Variants in SLC30A5 observed in about 807,000 individuals in gnomAD.
The protein encoded by SLC30A5 is solute carrier family 30 member 5.
Under a neutral mutation model 79.6 loss-of-function variants are expected in SLC30A5, and 33 were observed. The ratio of observed to expected loss-of-function variants is 0.41; its 90% confidence interval spans 0.31 to 0.55. The LOEUF (loss-of-function observed/expected upper bound fraction) is 0.55. Ranked by LOEUF, SLC30A5 falls within the 20% of genes least tolerant of loss-of-function variation. SLC30A5 has a pLI of 0.20. For synonymous variants in SLC30A5, 299 were observed against 319.7 expected (o/e 0.94, Z 0.69); for missense variants, 788 against 928.1 (o/e 0.85, Z 1.96).
Position 69,114,552 on chromosome 5 carries a change from A to G in SLC30A5, c.612+56A>G, listed in dbSNP as rs140665421. 5.4e-4 allele frequency: 568 copies of G among 1,060,570 alleles called. 6 individuals are homozygous for G. The African/African-American group carries it at 7.1e-3, about 13-fold the overall frequency. The allele number at this position is 1,060,570 out of a possible 1,614,324, so 65.7% of individuals were successfully genotyped here. A position where few individuals can be genotyped will look rare whatever the true frequency, so the allele number is the denominator to read the frequency against. On this transcript the variant is annotated intron_variant, in intron 7 of 15. Transcript: ENST00000396591. The stretch of plus-strand genomic sequence containing the variant: ...AAGATTCTGAAAAGTTGTAGCAACT[A>G]TAACTATAAAGGTACATTTAAAATA...
In SLC30A5 at chr5:69,098,267, C is replaced by T. The variant is rs1249553446; in HGVS notation, c.84-2540C>T. ...AGGCGCGGTGGCTCATGCCTGTAAT[C>T]CTAGCACTTTGTTTGGGAGGCCAAG... On this transcript the variant is annotated intron_variant, in intron 1 of 15. Transcript: ENST00000396591. 2.0e-5 allele frequency among the ~76,000 whole-genome samples: 3 copies of T among 152,020 alleles called. No homozygotes were observed. In the East Asian group the frequency reaches 5.8e-4, roughly 29 times the overall value.
Position 69,115,135 on chromosome 5 carries a change from GAAAAAAAAAAAAA to G in SLC30A5, c.613-84_613-72del, listed in dbSNP as rs60614154. The G allele has an allele frequency of 2.5e-3, 1,365 of 538,022 alleles. 15 individuals are homozygous for G. The highest frequency in any genetic ancestry group is 4.6e-3 in the Admixed American group (133 of 29,020). 33.3% of individuals were successfully genotyped at this position (538,022 alleles called of 1,614,324 possible). A position where few individuals can be genotyped will look rare whatever the true frequency, so the allele number is the denominator to read the frequency against. On this transcript the variant is annotated intron_variant, in intron 7 of 15. Coordinates refer to ENST00000396591, the MANE Select transcript of SLC30A5 (RefSeq NM_022902.5). ...GGCAGAGCAAGACCCTGTCTCTGGG[GAAAAAAAAAAAAA>G]AAAAAAAAAAAAAAAAAGATCATGT...
At chr5:69,100,684 T>C (rs1580165599) in intron 1 of SLC30A5, 123 bp from the exon 2 acceptor site, 3 of 759,466 alleles carry the variant, frequency 4.0e-6, no homozygotes, top group East Asian at 5.2e-5. Context: ...CTCTGTTTTG[T>C]TTCATTTTGT....
intron 3 of SLC30A5, among the ~76,000 whole-genome samples, chr5:69,103,550 G>T (rs1225223139): frequency 6.6e-6 from 1 of 152,166 alleles, no homozygotes; most frequent in Non-Finnish European, 1.5e-5. Flanking sequence ...CTTTGGGCAA[G>T]TTACTTGATT....
At chr5:69,104,748 T>A (rs1481782740) in intron 4 of SLC30A5, 32 bp downstream of exon 4, 2 of 1,587,274 alleles carry the variant, frequency 1.3e-6, no homozygotes, top group Non-Finnish European at 8.6e-7. Flanking sequence ...GAATGTGTGT[T>A]TGTATTTCTT....
At chr5:69,123,071 T>C (rs1013997281) in intron 13 of SLC30A5, 128 bp from the exon 14 acceptor site, 3 of 585,598 alleles carry the variant, frequency 5.1e-6, no homozygotes, top group African/African-American at 3.8e-5. Context: ...GTTTTAGGCA[T>C]TTTGAAGTAC....
chr5:69,111,531 C>A (rs892973446), intron 5 of SLC30A5, among the ~76,000 whole-genome samples: 1 of 151,702 alleles, frequency 6.6e-6, no homozygotes, highest in South Asian at 2.1e-4. Context: ...GTCTTGAACT[C>A]CTGACCTCAT....
At position 69,129,498 on chromosome 5, in the gene SLC30A5, G is replaced by A. The variant is rs1318897436; in HGVS notation, c.2179G>A (p.Glu727Lys). 10 of 1,613,440 alleles carry A rather than the reference G, an allele frequency of 6.2e-6. 1 individual carries two copies. In the Middle Eastern group the frequency reaches 1.2e-3, roughly 193 times the overall value. ...AGVNNLTIQV[E>K]KEAYFQHMSG... ...AGTAAACAATTTAACAATTCAAGTG[G>A]AAAAGGAGGCATACTTTCAACATAT... Residue 727 changes from glutamate to lysine, a missense_variant, in exon 16 of 16, where the codon GAA (glutamate) becomes AAA (lysine). Glu to Lys is a moderately conservative substitution (Grantham distance 56, BLOSUM62 1). Around this residue, in one of 3 missense-constraint regions of SLC30A5, gnomAD observed 158 missense variants for 156.2 expected, o/e 1.01. Transcript: ENST00000396591.
intron 2 of SLC30A5, among the ~76,000 whole-genome samples, chr5:69,101,727 C>A (rs891226387): frequency 2.0e-5 from 3 of 151,386 alleles, no homozygotes; most frequent in Admixed American, 1.3e-4. Context: ...GAGGCGGAGG[C>A]AGGTGGATCG....
At chr5:69,095,430 G>A (rs899895014) in intron 1 of SLC30A5, among the ~76,000 whole-genome samples, 5 of 152,016 alleles carry the variant, frequency 3.3e-5, no homozygotes, top group African/African-American at 9.7e-5. Context: ...TTGAGCTCCC[G>A]ACCTCGTGAT....
Position 69,115,267 on chromosome 5 carries a change from T to C in SLC30A5, c.643T>C (p.Cys215Arg). Residue 215 changes from cysteine to arginine, a missense_variant, in exon 8 of 16, where the codon TGT becomes CGT. Physicochemically the swap from Cys to Arg is radical, Grantham distance 180. Around this residue, in one of 3 missense-constraint regions of SLC30A5, gnomAD observed 626 missense variants for 755.5 expected, o/e 0.83. Coordinates refer to ENST00000396591, the MANE Select transcript of SLC30A5 (RefSeq NM_022902.5). ...AGTATTATTGCTAGTACTGGCTTTG[T>C]GTTGTAAAGTTGGTTTTCATACAGC... Reference protein sequence around the residue: ...GGVLLLVLALCCKVGFHTASR... With the variant: ...GGVLLLVLALRCKVGFHTASR... 4 of 1,613,854 alleles carry C rather than the reference T, an allele frequency of 2.5e-6. No individual in the cohort carries two copies. In the Admixed American group the frequency reaches 5.0e-5, roughly 20 times the overall value.
chr5:69,125,383 G>A (rs746632567), intron 14 of SLC30A5, among the ~76,000 whole-genome samples: 13 of 148,288 alleles, frequency 8.8e-5, no homozygotes, highest in Non-Finnish European at 1.8e-4. Flanking sequence ...AAAATTAGCC[G>A]GGCATGGTGG....
chr5:69,115,221 C>A lies in SLC30A5; in HGVS notation c.613-16C>A. ...TGTGTGTGTTTCTAATGAGACTTAT[C>A]TAATTTTACTCACAGGGTGGAGTAT... On this transcript the variant is annotated splice_polypyrimidine_tract_variant and intron_variant, in intron 7 of 15. Transcript: ENST00000396591. 1 of 1,493,018 alleles carries A rather than the reference C, an allele frequency of 6.7e-7. No homozygotes were observed. Among genetic ancestry groups the A allele is most frequent in the Non-Finnish European group, 9.1e-7 (1 of 1,100,520 alleles). 92.5% of individuals were successfully genotyped at this position (1,493,018 alleles called of 1,614,324 possible). A position where few individuals can be genotyped will look rare whatever the true frequency, so the allele number is the denominator to read the frequency against.
rs768133215 is a variant in SLC30A5 at position 69,116,484 on chromosome 5, T to C, written c.1163T>C (p.Met388Thr). ...SPEGTPLYNF[M>T]GDAFQHSSQS... ...GAAGGAACACCTCTTTATAACTTCA[T>C]GGGTGATGCTTTTCAGCATAGCTCT... is the stretch of plus-strand genomic sequence containing the variant. The change falls in exon 10 of 16, where the codon ATG becomes ACG. Residue 388 changes from methionine to threonine, a missense_variant. Coordinates refer to ENST00000396591, the MANE Select transcript of SLC30A5 (RefSeq NM_022902.5). The surrounding 1 kb of genome is among the most constrained non-coding windows in gnomAD (Gnocchi z 4.0). 4 of 1,612,448 alleles carry C rather than the reference T, an allele frequency of 2.5e-6. No individual in the cohort carries two copies. The highest frequency in any genetic ancestry group is 1.1e-5 in the South Asian group (1 of 90,730).
intron 1 of SLC30A5, among the ~76,000 whole-genome samples, chr5:69,098,398 C>T (rs977537359): frequency 1.3e-5 from 2 of 152,030 alleles, no homozygotes; most frequent in Admixed American, 1.3e-4. Context: ...TGGTGGCAGG[C>T]ACCTGTAATC....
intron 13 of SLC30A5, 94 bp from the exon 14 acceptor site, chr5:69,123,105 G>T (rs1024089971): frequency 1.3e-6 from 1 of 794,400 alleles, no homozygotes; most frequent in Non-Finnish European, 2.0e-6. Flanking sequence ...AGTATGTGGT[G>T]CACAGTAGGT....
chr5:69,108,334 G>T lies in SLC30A5; in HGVS notation c.360-15G>T. ...TAAATTACATTTCATAAATGATAAT[G>T]TTTTATTTTTGTAGGACTTTGCTGC... is the stretch of plus-strand genomic sequence containing the variant. On this transcript the variant is annotated splice_polypyrimidine_tract_variant and intron_variant, in intron 4 of 15. Coordinates refer to ENST00000396591, the MANE Select transcript of SLC30A5 (RefSeq NM_022902.5). 6.3e-7 allele frequency: 1 copy of T among 1,586,218 alleles called. No homozygotes were observed. Among genetic ancestry groups the T allele is most frequent in the Admixed American group, 1.7e-5 (1 of 59,770 alleles).
rs964764193 is a variant in SLC30A5, at chr5:69,129,825, T to C, written c.*208T>C. The C allele has an allele frequency of 1.2e-5, 5 of 409,478 alleles. No homozygotes were observed. Among genetic ancestry groups the C allele is most frequent in the African/African-American group, 1.0e-4 (5 of 49,162 alleles). The allele number at this position is 409,478 out of a possible 1,614,324, so 25.4% of individuals were successfully genotyped here. A position where few individuals can be genotyped will look rare whatever the true frequency, so the allele number is the denominator to read the frequency against. On this transcript the variant is annotated 3_prime_UTR_variant, in exon 16 of 16. Transcript: ENST00000396591. ...GGAGTAATTATTTAAATTATGTGTA[T>C]AAAAGGAATCAAATTTTGAGTAAAC...
chr5:69,094,468 C>T (rs986752354), intron 1 of SLC30A5, 130 bp downstream of exon 1: 2 of 1,006,030 alleles, frequency 2.0e-6, no homozygotes, highest in Admixed American at 4.3e-5. Context: ...CTGCCTGCCT[C>T]CCTGCGCGCA....
Sources: gnomAD v4.1 joint callset for allele counts (sites outside exome capture counted in the v4.1 genomes callset) on GRCh38, gnomAD v4.1.1 for gene constraint, gnomAD v4.1.1 regional missense constraint, Gnocchi (gnomAD v3.1) non-coding constraint, MANE v1.5 for transcripts, NCBI Gene and HGNC (gene_info 2026-07-23, HGNC 2026-07-21) for gene names.